Variants in FUT8 observed in about 807,000 individuals in gnomAD.
The protein encoded by FUT8 is alpha-(1,6)-fucosyltransferase.
A neutral mutation model predicts 71.3 loss-of-function variants in FUT8; 29 were observed. The observed-to-expected ratio is 0.41, with a 90% CI of 0.30 to 0.55. The LOEUF is 0.55. Among genes scored for constraint, FUT8 ranks in the 20% least tolerant of loss-of-function variants. The probability of loss-of-function intolerance (pLI) is 0.34; values close to 1 mark genes in which losing one functional copy is unlikely to be tolerated. For synonymous variants in FUT8, 254 were observed against 239.3 expected (o/e 1.06, Z -0.57); for missense variants, 544 against 702.1 (o/e 0.77, Z 2.55).
intron 9 of FUT8, among the ~76,000 whole-genome samples, chr14:65,731,900 G>A (rs1479891133): frequency 6.6e-6 from 1 of 152,136 alleles, no homozygotes; most frequent in South Asian, 2.1e-4. Context: ...GTTTCACTGA[G>A]CATCCAAATC....
intron 3 of FUT8, among the ~76,000 whole-genome samples, chr14:65,604,757 T>G (rs1210832133): frequency 6.6e-6 from 1 of 151,786 alleles, no homozygotes; most frequent in Non-Finnish European, 1.5e-5. Flanking sequence ...TGACCAAGAT[T>G]AGAGCAGAAC....
chr14:65,620,747 G>A (rs942043762), intron 5 of FUT8, among the ~76,000 whole-genome samples: 1 of 152,170 alleles, frequency 6.6e-6, no homozygotes, highest in Admixed American at 6.5e-5. Context: ...ATTTGATTGA[G>A]ACTTATATTA....
At chr14:65,461,399 A>G (rs544396000) in intron 2 of FUT8, among the ~76,000 whole-genome samples, 11 of 152,276 alleles carry the variant, frequency 7.2e-5, no homozygotes, top group East Asian at 1.9e-4. Context: ...GCCGTTACAC[A>G]TTTTGGGAGG....
chr14:65,693,386 A>G (rs1409720882), intron 7 of FUT8, among the ~76,000 whole-genome samples: 1 of 152,198 alleles, frequency 6.6e-6, no homozygotes, highest in East Asian at 1.9e-4. Flanking sequence ...GCGCGCCTGC[A>G]ATCGCAGGCA....
At chr14:65,429,787 C>T (rs554995255) in intron 1 of FUT8, among the ~76,000 whole-genome samples, 14 of 138,754 alleles carry the variant, frequency 1.0e-4, no homozygotes, top group Admixed American at 3.2e-4. Context: ...CACTTGAGCA[C>T]GGGAGGTCAA....
chr14:65,392,706 A>G, the FUT8 span, among the ~76,000 whole-genome samples: 1 of 152,216 alleles, frequency 6.6e-6, no homozygotes, highest in Non-Finnish European at 1.5e-5. Flanking sequence ...CTGTTCAAGG[A>G]GAAAAATGTT....
intron 7 of FUT8, among the ~76,000 whole-genome samples, chr14:65,695,825 T>G (rs537865485): frequency 6.6e-6 from 1 of 152,254 alleles, no homozygotes; most frequent in East Asian, 1.9e-4. Context: ...TTTATCTTCC[T>G]CTAGTTTTCT....
intron 2 of FUT8, among the ~76,000 whole-genome samples, chr14:65,519,147 T>A (rs949738189): frequency 6.6e-6 from 1 of 152,210 alleles, no homozygotes; most frequent in Admixed American, 6.5e-5. Flanking sequence ...AGAAAATGAT[T>A]TATGGTATGG....
intron 7 of FUT8, among the ~76,000 whole-genome samples, chr14:65,707,474 C>T (rs781580157): frequency 2.6e-5 from 4 of 151,934 alleles, no homozygotes; most frequent in Non-Finnish European, 4.4e-5. Context: ...GTTTTCTTTG[C>T]TGTACAGAAC....
intron 2 of FUT8, among the ~76,000 whole-genome samples, chr14:65,559,896 A>G (rs907775060): frequency 6.6e-6 from 1 of 152,196 alleles, no homozygotes; most frequent in Non-Finnish European, 1.5e-5. Flanking sequence ...TTAAAACAAC[A>G]GACAACTTTT....
intron 1 of FUT8, among the ~76,000 whole-genome samples, chr14:65,419,153 G>T (rs924717638): frequency 1.3e-5 from 2 of 151,916 alleles, no homozygotes; most frequent in Admixed American, 1.3e-4. Flanking sequence ...ACTTGAACCC[G>T]GGAGGCTGAG....
intron 3 of FUT8, among the ~76,000 whole-genome samples, chr14:65,564,950 A>G (rs1886110750): frequency 6.6e-6 from 1 of 152,016 alleles, no homozygotes; most frequent in African/African-American, 2.4e-5. Flanking sequence ...TAGCATTGCT[A>G]TCACAGAATA....
chr14:65,649,542 C>G (rs1039590502), intron 6 of FUT8, among the ~76,000 whole-genome samples: 4 of 152,180 alleles, frequency 2.6e-5, no homozygotes, highest in Non-Finnish European at 5.9e-5. Context: ...ACCAAAGGAC[C>G]TAGTGCCCTG....
intron 1 of FUT8, among the ~76,000 whole-genome samples, chr14:65,450,571 A>C (rs2065806167): frequency 6.6e-6 from 1 of 152,108 alleles, no homozygotes; most frequent in African/African-American, 2.4e-5. Context: ...TGTGGATATG[A>C]TATTATATGC....
Position 65,513,105 on chromosome 14 carries a change from A to G in FUT8, c.-227-48232A>G, listed in dbSNP as rs186697964. On this transcript the variant is annotated intron_variant, in intron 2 of 10. Transcript: ENST00000673929. ...CTTCTTTCTCTAAACTTTAATTTCC[A>G]TTCTTTGGTGCTTAAAGTGGTGTTT... Among the ~76,000 whole-genome samples the G allele has an allele frequency of 1.9e-3, 287 of 152,196 alleles. 4 individuals are homozygous for G. Among genetic ancestry groups the G allele is most frequent in the Non-Finnish European group, 1.9e-3 (129 of 68,012 alleles).
chr14:65,491,622 T>G (rs2066483344), intron 2 of FUT8, among the ~76,000 whole-genome samples: 1 of 152,138 alleles, frequency 6.6e-6, no homozygotes, highest in African/African-American at 2.4e-5. Context: ...AATCACATAA[T>G]TTTTAAAGCA....
chr14:65,413,588 A>G lies in FUT8; in HGVS notation c.-326+374A>G, dbSNP rs1180358500. On this transcript the variant is annotated intron_variant, in intron 1 of 10. Transcript: ENST00000673929. The surrounding 1 kb of genome is among the most constrained non-coding windows in gnomAD (Gnocchi z 4.1). ...TGTCCGTCGTTTCCCCTCCACACCT[A>G]CCTTCCCTTCGTCAGCAGCTCGGTC... Among the ~76,000 whole-genome samples, 1 of 151,942 alleles carries G rather than the reference A, an allele frequency of 6.6e-6. No homozygotes were observed. The highest frequency in any genetic ancestry group is 6.5e-5 in the Admixed American group (1 of 15,280).
intron 6 of FUT8, among the ~76,000 whole-genome samples, chr14:65,663,524 A>C (rs1225212721): frequency 3.9e-5 from 6 of 152,082 alleles, no homozygotes; most frequent in African/African-American, 7.2e-5. Flanking sequence ...TTATTTGGAC[A>C]AAAAAATTGG....
At chr14:65,601,330 T>TA (rs1888278191) in intron 3 of FUT8, among the ~76,000 whole-genome samples, 1 of 152,182 alleles carries the variant, frequency 6.6e-6, no homozygotes, top group African/African-American at 2.4e-5. Context: ...TTTGAATAAA[T>TA]ACAATTATTT....
Sources: gnomAD v4.1 joint callset for allele counts (sites outside exome capture counted in the v4.1 genomes callset) on GRCh38, gnomAD v4.1.1 for gene constraint, Gnocchi (gnomAD v3.1) non-coding constraint, MANE v1.5 for transcripts, NCBI Gene and HGNC (gene_info 2026-07-23, HGNC 2026-07-21) for gene names.